DHX32: variants seen among roughly 807,000 people sequenced by gnomAD.
The protein encoded by DHX32 is putative pre-mRNA-splicing factor ATP-dependent RNA helicase DHX32.
DHX32 carries 51 observed loss-of-function variants against 70.0 expected under a neutral mutation model. The observed-to-expected ratio is 0.73, with a 90% CI of 0.58 to 0.92. The LOEUF (loss-of-function observed/expected upper bound fraction) is 0.92, where lower values mean the gene tolerates loss of function less well. DHX32 is among the 40% of genes least tolerant of loss of function. The probability of loss-of-function intolerance (pLI) is 0.00; values close to 1 mark genes in which losing one functional copy is unlikely to be tolerated. For missense variants in DHX32, 762 were observed against 891.8 expected (o/e 0.85, Z 1.85); for synonymous variants, 310 against 315.3 (o/e 0.98, Z 0.18).
At chr10:125,883,019 C>G (rs1307286645), upstream of DHX32, among the ~76,000 whole-genome samples, 1 of 152,050 alleles carries the variant, frequency 6.6e-6, no homozygotes, top group African/African-American at 2.4e-5. Flanking sequence ...AAAAAAAGAA[C>G]AGCTATTATT....
At position 125,836,554 on chromosome 10, in the gene DHX32, TAC is replaced by T. The variant is rs1854691556; in HGVS notation, c.*131_*132del. On this transcript the variant is annotated 3_prime_UTR_variant, in exon 11 of 11. Transcript: ENST00000284690. ...TTCTATTTTTTATTTTAAAATAATATACACAGTGTTATTTTCTTCAAGACCGT... is the reference window on the plus strand; with the variant it reads ...TTCTATTTTTTATTTTAAAATAATATACAGTGTTATTTTCTTCAAGACCGT... 1 of 1,334,974 alleles carries T rather than the reference TAC, an allele frequency of 7.5e-7. No homozygotes were observed. 82.7% of individuals were successfully genotyped at this position (1,334,974 alleles called of 1,614,324 possible).
At position 125,854,072 on chromosome 10, in the gene DHX32, T is replaced by G; in HGVS notation, c.981A>C (p.Lys327Asn). The change falls in exon 4 of 11, where the codon AAA becomes AAC. Residue 327 changes from lysine to asparagine, a missense_variant. Transcript: ENST00000284690. ...SLFKPLDETE[K>N]RCQVYQRRVV... ...CTCTTCTTTGATAAACTTGGCATCT[T>G]TTTTCTGTTTCATCGAGTGGCTTGA... 1 of 1,614,140 alleles carries G rather than the reference T, an allele frequency of 6.2e-7. No individual in the cohort carries two copies. Among genetic ancestry groups the G allele is most frequent in the Non-Finnish European group, 8.5e-7 (1 of 1,180,012 alleles).
chr10:125,860,897 C>T (rs1429892659), intron 2 of DHX32, among the ~76,000 whole-genome samples: 1 of 151,364 alleles, frequency 6.6e-6, no homozygotes, highest in Admixed American at 6.6e-5. Context: ...GGACTACAGG[C>T]GCCCGCCACC....
At chr10:125,853,395 AT>A in intron 4 of DHX32, 1 of 437,924 alleles carries the variant, frequency 2.3e-6, no homozygotes, top group Non-Finnish European at 4.0e-6. Flanking sequence ...AGAGTTTGAG[AT>A]ACCTTGTTTT....
At chr10:125,861,594 C>T (rs1428833073) in intron 2 of DHX32, among the ~76,000 whole-genome samples, 1 of 152,188 alleles carries the variant, frequency 6.6e-6, no homozygotes, top group Non-Finnish European at 1.5e-5. Context: ...TTGAAACATA[C>T]TAGGCAGAGG....
intron 4 of DHX32, chr10:125,853,536 T>A (rs1438148071): frequency 4.6e-6 from 1 of 216,744 alleles, no homozygotes; most frequent in Non-Finnish European, 9.0e-6. Flanking sequence ...AAGTTTCTAG[T>A]AAGTTCTCTG....
chr10:125,855,208 G>A (rs573662962), intron 3 of DHX32, among the ~76,000 whole-genome samples: 13 of 147,998 alleles, frequency 8.8e-5, no homozygotes, highest in African/African-American at 3.0e-4. Flanking sequence ...GCAACAGAGT[G>A]AGACTCCGTC....
intron 2 of DHX32, among the ~76,000 whole-genome samples, chr10:125,862,144 T>C (rs187743852): frequency 1.7e-4 from 26 of 152,288 alleles, no homozygotes; most frequent in African/African-American, 6.3e-4. Context: ...GAGTCAAGAT[T>C]TAAACCCAGA....
At chr10:125,871,865 T>C (rs1454876096) in intron 1 of DHX32, among the ~76,000 whole-genome samples, 4 of 58,998 alleles carry the variant, frequency 6.8e-5, no homozygotes, top group African/African-American at 2.0e-4. Flanking sequence ...TTCTTTTCTT[T>C]TTTTTTTTTT....
chr10:125,840,862 T>C lies in DHX32; in HGVS notation c.1678A>G (p.Asn560Asp). 6 of 1,593,998 alleles carry C rather than the reference T, an allele frequency of 3.8e-6. No individual in the cohort carries two copies. Among genetic ancestry groups the C allele is most frequent in the Non-Finnish European group, 5.1e-6 (6 of 1,167,158 alleles). Reference protein sequence around the residue: ...IYKAYQDTTLNSSSEYCVEKW... With the variant: ...IYKAYQDTTLDSSSEYCVEKW... ...ATTCACTTACACTCACTGCTAGAAT[T>C]CAGAGTTGTGTCTTGGTAAGCCTTG... Residue 560 changes from asparagine (N) to aspartate (D), a missense_variant, in exon 8 of 11, where the codon AAT becomes GAT. Asn to Asp is a conservative substitution (Grantham distance 23). Around this residue, in one of 3 missense-constraint regions of DHX32, gnomAD observed 366 missense variants for 402.6 expected, o/e 0.91. Coordinates refer to ENST00000284690, the MANE Select transcript of DHX32 (RefSeq NM_018180.3).
At chr10:125,858,369 G>C (rs1944161793) in intron 3 of DHX32, among the ~76,000 whole-genome samples, 1 of 152,056 alleles carries the variant, frequency 6.6e-6, no homozygotes, top group Non-Finnish European at 1.5e-5. Context: ...TGAATATCTT[G>C]AATCATGCAG....
chr10:125,863,181 C>A lies in DHX32; in HGVS notation c.477-3206G>T, dbSNP rs543519745. On this transcript the variant is annotated intron_variant, in intron 2 of 10. Coordinates refer to ENST00000284690, the MANE Select transcript of DHX32 (RefSeq NM_018180.3). ...AAACAGAAAAGACCACCATTTGACA[C>A]TATGAGTCACTTCTATGAGATATCT... Among the ~76,000 whole-genome samples the A allele has an allele frequency of 2.8e-4, 43 of 151,958 alleles. No homozygotes were observed. In the South Asian group the frequency reaches 8.7e-3, roughly 31 times the overall value.
intron 1 of DHX32, among the ~76,000 whole-genome samples, chr10:125,879,869 CCTGGGCT>C (rs1944307029): frequency 2.6e-5 from 4 of 152,180 alleles, no homozygotes; most frequent in Admixed American, 2.0e-4. Context: ...GTCTTGAACT[CCTGGGCT>C]CAAATGATCT....
At chr10:125,850,520 G>T (rs1375615758) in intron 6 of DHX32, among the ~76,000 whole-genome samples, 1 of 151,898 alleles carries the variant, frequency 6.6e-6, no homozygotes, top group Non-Finnish European at 1.5e-5. Context: ...ACCATGCCCG[G>T]CTAATTTTGT....
intron 1 of DHX32, among the ~76,000 whole-genome samples, chr10:125,876,775 C>T (rs982470468): frequency 1.3e-5 from 2 of 152,122 alleles, no homozygotes; most frequent in Non-Finnish European, 2.9e-5. Context: ...CAATAAAATA[C>T]AATGCAATTT....
upstream of DHX32, among the ~76,000 whole-genome samples, chr10:125,883,005 C>A (rs1282559612): frequency 6.6e-6 from 1 of 151,962 alleles, no homozygotes; most frequent in Non-Finnish European, 1.5e-5. Context: ...AACTGTTTTA[C>A]CTTAAAAAAA....
intron 3 of DHX32, among the ~76,000 whole-genome samples, chr10:125,856,812 T>A (rs1589711330): frequency 6.6e-6 from 1 of 151,094 alleles, no homozygotes; most frequent in Non-Finnish European, 1.5e-5. Flanking sequence ...AAAAACTAGC[T>A]GGGCATACTG....
intron 6 of DHX32, among the ~76,000 whole-genome samples, chr10:125,844,870 C>T (rs1028293447): frequency 1.3e-5 from 2 of 152,204 alleles, no homozygotes; most frequent in Admixed American, 1.3e-4. Flanking sequence ...GCTGTACTCC[C>T]TGTGGAATAG....
chr10:125,854,332 C>T, intron 3 of DHX32, 129 bp from the exon 4 acceptor site: 1 of 875,902 alleles, frequency 1.1e-6, no homozygotes, highest in Non-Finnish European at 1.6e-6. Context: ...CCCTGTGTTG[C>T]TGCCTACATG....
Sources: allele counts gnomAD v4.1 joint callset (sites outside exome capture counted in the v4.1 genomes callset), GRCh38; gene constraint gnomAD v4.1.1; regional missense constraint gnomAD v4.1.1; transcripts MANE v1.5; gene names NCBI Gene and HGNC (gene_info 2026-07-23, HGNC 2026-07-21).